Variants in STARD13 observed in about 807,000 individuals in gnomAD.
The protein encoded by STARD13 is stAR-related lipid transfer protein 13.
STARD13 carries 62 observed loss-of-function variants against 106.4 expected under a neutral mutation model. The observed-to-expected ratio is 0.58, with a 90% confidence interval of 0.48 to 0.72. The LOEUF (loss-of-function observed/expected upper bound fraction) is 0.72, where lower values mean the gene tolerates loss of function less well. Among genes scored for constraint, STARD13 ranks in the 30% least tolerant of loss-of-function variants. The probability of loss-of-function intolerance (pLI) is 0.00; values close to 1 mark genes in which losing one functional copy is unlikely to be tolerated. For missense variants in STARD13, 1,387 were observed against 1,424.0 expected (o/e 0.97, Z 0.42); for synonymous variants, 565 against 553.0 (o/e 1.02, Z -0.31).
At chr13:33,542,534 G>C in the STARD13 span, among the ~76,000 whole-genome samples, 1 of 152,232 alleles carries the variant, frequency 6.6e-6, no homozygotes, top group East Asian at 1.9e-4. Context: ...CGTCCCCAAA[G>C]TGCGCAAGCG....
chr13:33,282,006 C>T (rs1017915284), intron 1 of STARD13, among the ~76,000 whole-genome samples: 1 of 151,902 alleles, frequency 6.6e-6, no homozygotes, highest in Admixed American at 6.6e-5. Flanking sequence ...TATTTTACCA[C>T]AATAAAAAAA....
chr13:33,460,804 A>G, the STARD13 span, among the ~76,000 whole-genome samples: 8 of 152,214 alleles, frequency 5.3e-5, no homozygotes, highest in African/African-American at 1.9e-4. Context: ...GCCAGTTCTT[A>G]TATTTTAAAG....
chr13:33,540,297 T>C, the STARD13 span, among the ~76,000 whole-genome samples: 2 of 152,248 alleles, frequency 1.3e-5, no homozygotes, highest in Admixed American at 1.3e-4. Flanking sequence ...AACTTTCACC[T>C]TCCACTTAAA....
At chr13:33,309,847 G>T (rs985496423) in intron 1 of STARD13, among the ~76,000 whole-genome samples, 2 of 152,334 alleles carry the variant, frequency 1.3e-5, no homozygotes, top group Admixed American at 6.5e-5. Context: ...CCAAGAGAGG[G>T]ATTGGGGATG....
At chr13:33,370,499 A>G in the STARD13 span, among the ~76,000 whole-genome samples, 1 of 152,210 alleles carries the variant, frequency 6.6e-6, no homozygotes. Flanking sequence ...GTGCTTGGTT[A>G]TAATTTAATC....
the STARD13 span, among the ~76,000 whole-genome samples, chr13:33,548,173 C>T: frequency 6.6e-6 from 1 of 152,096 alleles, no homozygotes; most frequent in Non-Finnish European, 1.5e-5. Flanking sequence ...AACTCCAATG[C>T]TAGGCAGTGA....
At chr13:33,571,174 A>G in the STARD13 span, among the ~76,000 whole-genome samples, 1 of 152,294 alleles carries the variant, frequency 6.6e-6, no homozygotes, top group Admixed American at 6.5e-5. Flanking sequence ...CTGCTCTCCA[A>G]AGAACTGAGA....
chr13:33,499,458 G>A, the STARD13 span, among the ~76,000 whole-genome samples: 148 of 151,906 alleles, frequency 9.7e-4, 1 homozygote, highest in Middle Eastern at 3.4e-3. Context: ...TTCTCACATG[G>A]CAGAGAGAAA....
At chr13:33,602,721 GA>G in the STARD13 span, among the ~76,000 whole-genome samples, 1 of 152,202 alleles carries the variant, frequency 6.6e-6, no homozygotes, top group East Asian at 1.9e-4. Flanking sequence ...ATTACTGCCT[GA>G]GCTCCATCTC....
intron 1 of STARD13, among the ~76,000 whole-genome samples, chr13:33,191,145 T>C (rs1330294933): frequency 6.6e-6 from 1 of 152,240 alleles, no homozygotes; most frequent in Non-Finnish European, 1.5e-5. Flanking sequence ...TTTTCAGCTT[T>C]TTAAGTGTAT....
chr13:33,109,642 C>T (rs940487594), intron 12 of STARD13, among the ~76,000 whole-genome samples: 2 of 152,136 alleles, frequency 1.3e-5, no homozygotes, highest in African/African-American at 4.8e-5. Flanking sequence ...GTGTGCTCCA[C>T]AAGGAGAGGG....
At chr13:33,409,675 C>A in the STARD13 span, among the ~76,000 whole-genome samples, 2 of 152,118 alleles carry the variant, frequency 1.3e-5, no homozygotes, top group Non-Finnish European at 2.9e-5. Context: ...TTTCTCCCCA[C>A]CTTGGATATT....
intron 7 of STARD13, among the ~76,000 whole-genome samples, chr13:33,124,231 C>A (rs1432747607): frequency 6.6e-6 from 1 of 152,164 alleles, no homozygotes; most frequent in Non-Finnish European, 1.5e-5. Context: ...GTGGTCTCTG[C>A]GTGCTTCCCA....
Position 33,130,157 on chromosome 13 carries a change from C to G in STARD13, c.520G>C (p.Gly174Arg), listed in dbSNP as rs1878062522. ...PRGDRNGSPG[G>R]TGMRNTTSSE... ...CTGGTCGTGTTCCTCATCCCCGTGC[C>G]TCCCGGTGACCCATTTCTGTCTCCT... The change falls in exon 5 of 14, where the codon GGC becomes CGC. Residue 174 changes from glycine to arginine, a missense_variant. Coordinates refer to ENST00000336934, the MANE Select transcript of STARD13 (RefSeq NM_178006.4). This position sits in a 1 kb window ranked among gnomAD's most constrained non-coding sequence, Gnocchi z 4.1. The G allele has an allele frequency of 6.2e-7, 1 of 1,614,010 alleles. No individual in the cohort carries two copies. Among genetic ancestry groups the G allele is most frequent in the Non-Finnish European group, 8.5e-7 (1 of 1,180,040 alleles).
At chr13:33,417,982 G>A in the STARD13 span, among the ~76,000 whole-genome samples, 24 of 152,266 alleles carry the variant, frequency 1.6e-4, no homozygotes, top group Admixed American at 8.5e-4. Flanking sequence ...CAAGATGGCC[G>A]AATAGGAACA....
At chr13:33,610,992 T>C in the STARD13 span, 1 of 152,232 alleles carries the variant, frequency 6.6e-6, no homozygotes, top group Non-Finnish European at 1.5e-5. Context: ...AGCATTTTGT[T>C]TGAACTCCAC....
intron 1 of STARD13, among the ~76,000 whole-genome samples, chr13:33,337,054 A>T (rs1356028498): frequency 1.3e-5 from 2 of 152,172 alleles, no homozygotes; most frequent in Admixed American, 1.3e-4. Context: ...AATGTAAAAT[A>T]TTTACATTTG....
At chr13:33,653,414 C>T in the STARD13 span, among the ~76,000 whole-genome samples, 1,309 of 152,136 alleles carry the variant, frequency 8.6e-3, 17 homozygotes, top group African/African-American at 0.029. Flanking sequence ...AATGCCAATG[C>T]TATTTAACGG....
At chr13:33,381,604 G>A in the STARD13 span, among the ~76,000 whole-genome samples, 5 of 152,080 alleles carry the variant, frequency 3.3e-5, no homozygotes, top group Non-Finnish European at 7.4e-5. Flanking sequence ...GCCAGGCGTG[G>A]TGGCAGGCGC....
Sources: gnomAD v4.1 joint callset for allele counts (sites outside exome capture counted in the v4.1 genomes callset) on GRCh38, gnomAD v4.1.1 for gene constraint, Gnocchi (gnomAD v3.1) non-coding constraint, MANE v1.5 for transcripts, NCBI Gene and HGNC (gene_info 2026-07-23, HGNC 2026-07-21) for gene names.